The following DIP2C variants were observed in gnomAD, a reference collection of about 807,000 sequenced individuals.
The protein encoded by DIP2C is DIP2 acetate--CoA ligase C (putative).
DIP2C carries 33 observed loss-of-function variants against 192.4 expected under a neutral mutation model. The observed-to-expected ratio is 0.17, with a 90% CI of 0.13 to 0.23. DIP2C has a LOEUF of 0.23. DIP2C is among the 10% of genes least tolerant of loss of function. The probability of loss-of-function intolerance (pLI) is 1.00; values close to 1 mark genes in which losing one functional copy is unlikely to be tolerated. For synonymous variants in DIP2C, 979 were observed against 864.1 expected, an observed-to-expected ratio of 1.13 and a Z score of -2.33; for missense variants, 1,537 against 2,110.1, an observed-to-expected ratio of 0.73 and a Z score of 5.32.
At chr10:567,372 A>G (rs576739633) in intron 1 of DIP2C, among the ~76,000 whole-genome samples, 2 of 152,214 alleles carry the variant, frequency 1.3e-5, no homozygotes, top group African/African-American at 4.8e-5. Flanking sequence ...TTTTATTCTT[A>G]GTAGAGATGG....
chr10:445,615 A>ATACAGAGTATC (rs1968116560), intron 3 of DIP2C, among the ~76,000 whole-genome samples: 1 of 102,938 alleles, frequency 9.7e-6, no homozygotes, highest in African/African-American at 1.0e-4. Context: ...TCTGTATACA[A>ATACAGAGTATC]CTGTTGCGAA....
chr10:308,823 C>A (rs560059033), intron 32 of DIP2C, among the ~76,000 whole-genome samples: 1 of 152,222 alleles, frequency 6.6e-6, no homozygotes, highest in East Asian at 1.9e-4. Flanking sequence ...CATGCATCTA[C>A]GAGTGTGAAC....
chr10:482,352 G>A (rs1843671619), intron 2 of DIP2C, among the ~76,000 whole-genome samples: 1 of 151,666 alleles, frequency 6.6e-6, no homozygotes, highest in African/African-American at 2.4e-5. Context: ...CTGACCATGG[G>A]AGGCCTCTTC....
chr10:368,513 G>C (rs1281601947), intron 18 of DIP2C, among the ~76,000 whole-genome samples: 1 of 152,222 alleles, frequency 6.6e-6, no homozygotes, highest in Non-Finnish European at 1.5e-5. Flanking sequence ...TCAGGGAGTA[G>C]TGAGGAGGAG....
At chr10:603,697 A>G (rs1852259496) in intron 1 of DIP2C, among the ~76,000 whole-genome samples, 1 of 152,234 alleles carries the variant, frequency 6.6e-6, no homozygotes, top group Admixed American at 6.5e-5. Flanking sequence ...TTACTTTTCA[A>G]AGGTCTGGAG....
At chr10:465,784 C>G (rs1970149574) in intron 3 of DIP2C, among the ~76,000 whole-genome samples, 1 of 151,446 alleles carries the variant, frequency 6.6e-6, no homozygotes, top group South Asian at 2.1e-4. Flanking sequence ...AACTCCCATT[C>G]ACAATTGCTT....
At chr10:594,713 C>T (rs1304646903) in intron 1 of DIP2C, among the ~76,000 whole-genome samples, 3 of 152,174 alleles carry the variant, frequency 2.0e-5, no homozygotes, top group African/African-American at 7.2e-5. Context: ...AAGGGCAGGT[C>T]TCGTCGGCCC....
chr10:530,332 G>C (rs1847289444), intron 1 of DIP2C, among the ~76,000 whole-genome samples: 2 of 152,190 alleles, frequency 1.3e-5, no homozygotes, highest in African/African-American at 4.8e-5. Flanking sequence ...TCTAACTGAT[G>C]AGAATTCTGG....
intron 1 of DIP2C, among the ~76,000 whole-genome samples, chr10:671,098 C>T (rs1029334676): frequency 3.3e-5 from 5 of 152,270 alleles, no homozygotes; most frequent in Admixed American, 2.6e-4. Flanking sequence ...GGCTCCGCTA[C>T]GTGGCTATGA....
intron 1 of DIP2C, among the ~76,000 whole-genome samples, chr10:604,564 C>T (rs1852331997): frequency 6.6e-6 from 1 of 152,258 alleles, no homozygotes; most frequent in Non-Finnish European, 1.5e-5. Flanking sequence ...TGCGGACACG[C>T]ACCCTGGGCC....
rs149295118 is a variant in DIP2C, at chr10:493,733, C to T, written c.86-7203G>A. On this transcript the variant is annotated intron_variant, in intron 1 of 36. Coordinates refer to ENST00000280886, the MANE Select transcript of DIP2C (RefSeq NM_014974.3). ...GGTGGACAGGAGAAAGGATGGAGGCCGATTATCCACCTACAAAGTCGGGGT... is the reference window on the plus strand; with the variant it reads ...GGTGGACAGGAGAAAGGATGGAGGCTGATTATCCACCTACAAAGTCGGGGT... Among the ~76,000 whole-genome samples, 408 of 152,264 alleles carry T rather than the reference C, an allele frequency of 2.7e-3. 1 individual carries two copies. The highest frequency in any genetic ancestry group is 9.1e-3 in the African/African-American group (377 of 41,546).
intron 1 of DIP2C, among the ~76,000 whole-genome samples, chr10:522,701 T>G (rs1478800629): frequency 1.3e-5 from 2 of 152,284 alleles, no homozygotes; most frequent in Non-Finnish European, 2.9e-5. Flanking sequence ...TCCAAGGTCT[T>G]TGGTCCATTT....
At chr10:281,487 T>A (rs568158400) in intron 35 of DIP2C, among the ~76,000 whole-genome samples, 164 bp from the exon 36 acceptor site, 2 of 152,340 alleles carry the variant, frequency 1.3e-5, no homozygotes, top group Admixed American at 6.5e-5. Context: ...ACGGAGCTCC[T>A]TGGCAAGTGC....
chr10:627,947 G>A (rs1422316637), intron 1 of DIP2C, among the ~76,000 whole-genome samples: 1 of 152,248 alleles, frequency 6.6e-6, no homozygotes, highest in African/African-American at 2.4e-5. Context: ...GTCTGCATCT[G>A]TAACGACTTT....
chr10:282,705 A>AT (rs1179937471), intron 35 of DIP2C, among the ~76,000 whole-genome samples: 1 of 152,252 alleles, frequency 6.6e-6, no homozygotes, highest in Non-Finnish European at 1.5e-5. Flanking sequence ...GGCAAAGGCA[A>AT]TGCTGTCCAC....
At chr10:678,009 G>GCC in intron 1 of DIP2C, among the ~76,000 whole-genome samples, 1 of 152,370 alleles carries the variant, frequency 6.6e-6, no homozygotes, top group South Asian at 2.1e-4. Context: ...GCAGAGCATA[G>GCC]CCCGAAGGTG....
intron 1 of DIP2C, among the ~76,000 whole-genome samples, chr10:541,822 G>A (rs1380216771): frequency 6.6e-6 from 1 of 152,048 alleles, no homozygotes; most frequent in Non-Finnish European, 1.5e-5. Flanking sequence ...CCCACAGCAT[G>A]ACCCTCCACC....
At chr10:448,302 G>C (rs1157618488) in intron 3 of DIP2C, among the ~76,000 whole-genome samples, 17 of 132,572 alleles carry the variant, frequency 1.3e-4, no homozygotes, top group African/African-American at 4.9e-4. Flanking sequence ...CAGTGGGTCA[G>C]CAGGACCCAC....
intron 1 of DIP2C, among the ~76,000 whole-genome samples, chr10:618,273 T>C (rs1853605545): frequency 6.6e-6 from 1 of 152,248 alleles, no homozygotes. Flanking sequence ...AAACAGGTTT[T>C]TTTCTGGCAT....
Sources: allele counts gnomAD v4.1 joint callset (sites outside exome capture counted in the v4.1 genomes callset), GRCh38; gene constraint gnomAD v4.1.1; transcripts MANE v1.5; gene names NCBI Gene and HGNC (gene_info 2026-07-23, HGNC 2026-07-21).